The following CNTNAP5 variants were observed in gnomAD, a reference collection of about 807,000 sequenced individuals.
CNTNAP5 encodes the protein contactin associated protein family member 5, also known as contactin-associated protein-like 5.
Under a neutral mutation model 150.2 loss-of-function variants are expected in CNTNAP5, and 72 were observed. The observed-to-expected ratio is 0.48, with a 90% CI of 0.40 to 0.58. The LOEUF (loss-of-function observed/expected upper bound fraction) is 0.58, where lower values mean the gene tolerates loss of function less well. Ranked by LOEUF, CNTNAP5 falls within the 20% of genes least tolerant of loss-of-function variation. The probability of loss-of-function intolerance (pLI) is 0.00; values close to 1 mark genes in which losing one functional copy is unlikely to be tolerated. For synonymous variants in CNTNAP5, 672 were observed against 619.8 expected (o/e 1.08, Z -1.25); for missense variants, 1,636 against 1,626.2 (o/e 1.01, Z -0.10).
intron 1 of CNTNAP5, among the ~76,000 whole-genome samples, chr2:124,214,493 C>A (rs1014590540): frequency 2.6e-5 from 4 of 152,156 alleles, no homozygotes; most frequent in Admixed American, 6.5e-5. Context: ...TTACTCTCTG[C>A]AAAGCCTGAC....
Position 124,917,319 on chromosome 2 carries a change from A to C in CNTNAP5, c.*3031A>C, listed in dbSNP as rs1573711771. On this transcript the variant is annotated 3_prime_UTR_variant, in exon 24 of 24. Coordinates refer to ENST00000682447, the MANE Select transcript of CNTNAP5 (RefSeq NM_001367498.1). ...ATTTTAATGGAGCTGTTTCATTGAT[A>C]TTTTTTTCCACCAAACAAATCTATT... Among the ~76,000 whole-genome samples the C allele has an allele frequency of 6.6e-6, 1 of 151,956 alleles. No individual in the cohort carries two copies. Among genetic ancestry groups the C allele is most frequent in the Non-Finnish European group, 1.5e-5 (1 of 67,958 alleles).
rs150335360 is a variant in CNTNAP5, at chr2:124,583,345, T to C, written c.1756+20022T>C. On this transcript the variant is annotated intron_variant, in intron 11 of 23. Transcript: ENST00000682447. Reference sequence around the variant, plus strand: ...TCCATGTACATAGCCGGGAACGATATGGTTATATGCTACCAATGTAAACTA... The same window carrying C: ...TCCATGTACATAGCCGGGAACGATACGGTTATATGCTACCAATGTAAACTA... Among the ~76,000 whole-genome samples, 262 of 152,338 alleles carry C rather than the reference T, an allele frequency of 1.7e-3. 2 individuals carry two copies. The highest frequency in any genetic ancestry group is 5.9e-3 in the African/African-American group (246 of 41,580).
At chr2:124,089,627 A>G (rs959026530) in intron 1 of CNTNAP5, among the ~76,000 whole-genome samples, 3 of 152,256 alleles carry the variant, frequency 2.0e-5, no homozygotes, top group Non-Finnish European at 4.4e-5. Context: ...GAAATTATTT[A>G]TCAAAATTAC....
At chr2:124,349,874 C>CTTTTTTTTTT (rs70996061) in intron 3 of CNTNAP5, among the ~76,000 whole-genome samples, 851 of 81,790 alleles carry the variant, frequency 0.01, 144 homozygotes, top group Non-Finnish European at 0.012. Flanking sequence ...CTGGCTATTT[C>CTTTTTTTTTT]TTTTTTTTTT....
At chr2:124,207,222 A>G (rs1297975288) in intron 1 of CNTNAP5, among the ~76,000 whole-genome samples, 1 of 152,108 alleles carries the variant, frequency 6.6e-6, no homozygotes, top group Non-Finnish European at 1.5e-5. Context: ...TAAAGATTTT[A>G]TTTTCTTCCT....
chr2:124,400,936 A>G (rs569373827), intron 3 of CNTNAP5, among the ~76,000 whole-genome samples: 2 of 151,736 alleles, frequency 1.3e-5, no homozygotes, highest in Non-Finnish European at 2.9e-5. Flanking sequence ...CAGTTGCATG[A>G]TCTTGGCTCA....
At chr2:124,431,547 T>TATTATATAAAATTTCTTTATATAAAC (rs1692382907) in intron 4 of CNTNAP5, among the ~76,000 whole-genome samples, 1 of 92,138 alleles carries the variant, frequency 1.1e-5, no homozygotes, top group African/African-American at 4.0e-5. Flanking sequence ...TTTATATAAA[T>TATTATATAAAATTTCTTTATATAAAC]ATTATATATA....
At chr2:124,190,778 C>T (rs536356640) in intron 1 of CNTNAP5, among the ~76,000 whole-genome samples, 1 of 152,248 alleles carries the variant, frequency 6.6e-6, no homozygotes, top group African/African-American at 2.4e-5. Context: ...AAGTATTACA[C>T]ACATGTATAT....
At chr2:124,194,421 A>G (rs1468379937) in intron 1 of CNTNAP5, among the ~76,000 whole-genome samples, 2 of 128,876 alleles carry the variant, frequency 1.6e-5, no homozygotes, top group East Asian at 2.5e-4. Context: ...AAATATAAAT[A>G]GGTGTGCTGT....
intron 1 of CNTNAP5, among the ~76,000 whole-genome samples, chr2:124,168,238 T>A (rs1684851378): frequency 6.6e-6 from 1 of 152,204 alleles, no homozygotes; most frequent in South Asian, 2.1e-4. Flanking sequence ...ATAGCATAGA[T>A]GGGTATCTCT....
At chr2:124,880,380 T>C (rs1677942288) in intron 21 of CNTNAP5, among the ~76,000 whole-genome samples, 1 of 152,138 alleles carries the variant, frequency 6.6e-6, no homozygotes, top group Non-Finnish European at 1.5e-5. Flanking sequence ...AAGTAAATCA[T>C]TCTACCTAGG....
chr2:124,044,864 C>T (rs1035905599), intron 1 of CNTNAP5, among the ~76,000 whole-genome samples: 5 of 149,112 alleles, frequency 3.4e-5, no homozygotes, highest in Non-Finnish European at 7.4e-5. Flanking sequence ...AACCCCGCCA[C>T]AGACGGAAGC....
At chr2:124,653,921 C>CA (rs1233869844) in intron 13 of CNTNAP5, among the ~76,000 whole-genome samples, 4 of 141,244 alleles carry the variant, frequency 2.8e-5, no homozygotes, top group African/African-American at 1.1e-4. Flanking sequence ...ACCCCCCCCC[C>CA]CCGCCACACA....
intron 12 of CNTNAP5, among the ~76,000 whole-genome samples, chr2:124,628,930 T>C (rs1038921479): frequency 3.3e-5 from 5 of 151,974 alleles, no homozygotes; most frequent in Non-Finnish European, 1.5e-5. Flanking sequence ...TCTGACAAAA[T>C]AGACTTTAAG....
In CNTNAP5 at chr2:124,070,621, A is replaced by G. The variant is rs193009500; in HGVS notation, c.82+44889A>G. ...CAAAGAAGGGCATTATATAATGATA[A>G]CAAAGTAAATACAGGAAAAGAATGA... On this transcript the variant is annotated intron_variant, in intron 1 of 23. Coordinates refer to ENST00000682447, the MANE Select transcript of CNTNAP5 (RefSeq NM_001367498.1). Among the ~76,000 whole-genome samples the G allele has an allele frequency of 3.8e-3, 581 of 152,124 alleles. 2 individuals are homozygous for G. The highest frequency in any genetic ancestry group is 0.024 in the Middle Eastern group (7 of 294).
At position 124,527,189 on chromosome 2, in the gene CNTNAP5, A is replaced by G. The variant is rs1035851553; in HGVS notation, c.1478-96A>G. On this transcript the variant is annotated intron_variant, in intron 9 of 23. Coordinates refer to ENST00000682447, the MANE Select transcript of CNTNAP5 (RefSeq NM_001367498.1). ...GCACTGCTGTGAATGAGAAAGCACC[A>G]AACTAATTAGACCTCAAGGTCTTCC... The G allele has an allele frequency of 2.9e-6, 3 of 1,033,866 alleles. No individual in the cohort carries two copies. In the South Asian group the frequency reaches 4.8e-5, roughly 17 times the overall value. The allele number at this position is 1,033,866 out of a possible 1,614,324, so 64.0% of individuals were successfully genotyped here.
chr2:124,322,833 C>T (rs915193807), intron 3 of CNTNAP5, among the ~76,000 whole-genome samples: 1 of 152,178 alleles, frequency 6.6e-6, no homozygotes, highest in Non-Finnish European at 1.5e-5. Flanking sequence ...TGTCTACTTG[C>T]AGTCCTCATG....
At chr2:124,728,390 C>A (rs962960553) in intron 13 of CNTNAP5, among the ~76,000 whole-genome samples, 2 of 151,936 alleles carry the variant, frequency 1.3e-5, no homozygotes, top group Admixed American at 1.3e-4. Context: ...GCTTAGAATT[C>A]ACCAGTGAAG....
At chr2:124,302,793 G>A (rs1688596843) in intron 3 of CNTNAP5, among the ~76,000 whole-genome samples, 1 of 152,270 alleles carries the variant, frequency 6.6e-6, no homozygotes, top group East Asian at 1.9e-4. Flanking sequence ...AGACTTCTGG[G>A]CTTGAGTAAG....
Sources: gnomAD v4.1 joint callset for allele counts (sites outside exome capture counted in the v4.1 genomes callset) on GRCh38, gnomAD v4.1.1 for gene constraint, MANE v1.5 for transcripts, NCBI Gene and HGNC (gene_info 2026-07-23, HGNC 2026-07-21) for gene names.